CFTR: variants seen among roughly 807,000 people sequenced by gnomAD.
CFTR encodes the protein cystic fibrosis transmembrane conductance regulator.
Under a neutral mutation model 171.6 loss-of-function variants are expected in CFTR, and 181 were observed. The observed-to-expected ratio is 1.05, with a 90% CI of 0.93 to 1.19. The LOEUF (loss-of-function observed/expected upper bound fraction) is 1.19, where lower values mean the gene tolerates loss of function less well. Among genes scored for constraint, CFTR ranks in the 50% most tolerant of loss-of-function variants. CFTR has a pLI of 0.00. For missense variants in CFTR, 1,968 were observed against 1,734.7 expected, an observed-to-expected ratio of 1.13 and a Z score of -2.39; for synonymous variants, 583 against 608.0, an observed-to-expected ratio of 0.96 and a Z score of 0.60.
chr7:117,486,633 G>C (rs1013712583), intron 1 of CFTR, among the ~76,000 whole-genome samples: 3 of 151,928 alleles, frequency 2.0e-5, no homozygotes, highest in African/African-American at 7.3e-5. Context: ...ATCCTGAGAA[G>C]TTCCCTATGA....
intron 9 of CFTR, 48 bp downstream of exon 9, chr7:117,542,156 T>G (rs1584790343): frequency 2.2e-6 from 2 of 891,072 alleles, no homozygotes; most frequent in East Asian, 4.9e-5. Context: ...AACTGTTTTC[T>G]TCTTTGTGAA....
chr7:117,607,362 G>A (rs888349168), intron 18 of CFTR, among the ~76,000 whole-genome samples: 1 of 152,172 alleles, frequency 6.6e-6, no homozygotes, highest in African/African-American at 2.4e-5. Context: ...TGACTCTTTG[G>A]GTTGGGGTGA....
At chr7:117,633,293 A>T (rs1245205304) in intron 22 of CFTR, among the ~76,000 whole-genome samples, 1 of 152,134 alleles carries the variant, frequency 6.6e-6, no homozygotes, top group African/African-American at 2.4e-5. Flanking sequence ...TTGTGATTTT[A>T]ATTTCAAATT....
chr7:117,613,999 C>CTTTTTTTTTTTTT (rs752774658), intron 20 of CFTR, among the ~76,000 whole-genome samples: 1 of 72,476 alleles, frequency 1.4e-5, no homozygotes, highest in Non-Finnish European at 2.7e-5. Flanking sequence ...GTACAGTAAT[C>CTTTTTTTTTTTTT]TTTTTTTTTT....
At chr7:117,483,154 C>A (rs571649672) in intron 1 of CFTR, among the ~76,000 whole-genome samples, 1 of 152,250 alleles carries the variant, frequency 6.6e-6, no homozygotes, top group South Asian at 2.1e-4. Context: ...AACAAATACA[C>A]CTGAATTTAT....
intron 3 of CFTR, among the ~76,000 whole-genome samples, chr7:117,513,630 A>T (rs1400169248): frequency 6.6e-6 from 1 of 152,198 alleles, no homozygotes; most frequent in East Asian, 1.9e-4. Flanking sequence ...TAAAGAAGGG[A>T]TGGTGTTCTC....
chr7:117,602,826 G>T lies in CFTR; in HGVS notation c.2620G>T (p.Val874Leu). The T allele has an allele frequency of 6.2e-7, 1 of 1,613,860 alleles. No individual in the cohort carries two copies. The highest frequency in any genetic ancestry group is 8.5e-7 in the Non-Finnish European group (1 of 1,179,758). The stretch of plus-strand genomic sequence containing the variant: ...TCAACTGTGTCTTGTTCCATTCCAG[G>T]TGGCTGCTTCTTTGGTTGTGCTGTG... The part of the protein sequence containing the change: ...IWCLVIFLAE[V>L]AASLVVLWLL... The change falls in exon 16 of 27, where the codon GTG becomes TTG. Residue 874 changes from valine (V) to leucine (L), a missense_variant and splice_region_variant. Val to Leu is a conservative substitution (Grantham distance 32). Coordinates refer to ENST00000003084, the MANE Select transcript of CFTR (RefSeq NM_000492.4).
At chr7:117,534,749 A>C (rs570270588) in intron 5 of CFTR, among the ~76,000 whole-genome samples, 1 of 152,304 alleles carries the variant, frequency 6.6e-6, no homozygotes, top group South Asian at 2.1e-4. Context: ...TGTTTTATTT[A>C]TCTTTGCATA....
intron 21 of CFTR, among the ~76,000 whole-genome samples, chr7:117,627,028 T>G (rs2116127560): frequency 6.6e-6 from 1 of 152,192 alleles, no homozygotes; most frequent in East Asian, 1.9e-4. Flanking sequence ...TGTTTAAAGA[T>G]TATAGCAAAG....
intron 10 of CFTR, among the ~76,000 whole-genome samples, chr7:117,558,553 C>CTAAATAAATAAATAAA (rs10655920): frequency 0.021 from 3,049 of 145,212 alleles, 37 homozygotes; most frequent in Middle Eastern, 0.034. Flanking sequence ...GACTCTGTCT[C>CTAAATAAATAAATAAA]TAAATAAATA....
rs903178962 is a variant in CFTR, at chr7:117,627,855, A to G, written c.3717+85A>G. The G allele has an allele frequency of 1.2e-5, 16 of 1,316,582 alleles. No homozygotes were observed. In the East Asian group the frequency reaches 3.0e-4, roughly 25 times the overall value. The allele number at this position is 1,316,582 out of a possible 1,614,324, so 81.6% of individuals were successfully genotyped here. ...CTGAAGCAATGTGTTAGCAGAATCT[A>G]TTTGTAACATTATTATTGTACAGTA... On this transcript the variant is annotated intron_variant, in intron 22 of 26. Coordinates refer to ENST00000003084, the MANE Select transcript of CFTR (RefSeq NM_000492.4).
intron 21 of CFTR, among the ~76,000 whole-genome samples, chr7:117,620,896 T>C (rs939235709): frequency 9.9e-5 from 15 of 152,006 alleles, no homozygotes; most frequent in African/African-American, 3.4e-4. Flanking sequence ...CACTTGAGAA[T>C]AGGAGTTGAA....
chr7:117,577,572 C>G (rs1013664064), intron 11 of CFTR, among the ~76,000 whole-genome samples: 1 of 152,016 alleles, frequency 6.6e-6, no homozygotes, highest in Non-Finnish European at 1.5e-5. Flanking sequence ...AACATAATAA[C>G]CATTGTTATT....
rs938944066 is a variant in CFTR, at chr7:117,643,477, C to T, written c.3873+884C>T. 8.5e-5 allele frequency among the ~76,000 whole-genome samples: 13 copies of T among 152,238 alleles called. No individual in the cohort carries two copies. In the South Asian group the frequency reaches 2.7e-3, roughly 32 times the overall value. On this transcript the variant is annotated intron_variant, in intron 23 of 26. Coordinates refer to ENST00000003084, the MANE Select transcript of CFTR (RefSeq NM_000492.4). ...TGAAAAAAAAGCTTGTATTTCTTAA[C>T]AGATTACCTTGTGGAACATTTGCTC...
At chr7:117,514,904 G>T (rs1259660252) in intron 3 of CFTR, among the ~76,000 whole-genome samples, 1 of 152,178 alleles carries the variant, frequency 6.6e-6, no homozygotes, top group Non-Finnish European at 1.5e-5. Flanking sequence ...TTTATCTGAT[G>T]ATCAGTGATG....
chr7:117,664,282 A>G (rs1289518926), intron 24 of CFTR, among the ~76,000 whole-genome samples: 3 of 152,186 alleles, frequency 2.0e-5, no homozygotes, highest in Admixed American at 6.5e-5. Flanking sequence ...AAGATGTCAT[A>G]CTAGAGGGCA....
chr7:117,645,979 T>G (rs1350110264), intron 23 of CFTR, among the ~76,000 whole-genome samples: 1 of 152,194 alleles, frequency 6.6e-6, no homozygotes, highest in Non-Finnish European at 1.5e-5. Context: ...ATAACTTGCT[T>G]GATAAGAATT....
chr7:117,488,980 C>G lies in CFTR; in HGVS notation c.53+8833C>G, dbSNP rs34080224. 3.4e-3 allele frequency among the ~76,000 whole-genome samples: 513 copies of G among 152,052 alleles called. 3 individuals are homozygous for G. Among genetic ancestry groups the G allele is most frequent in the Non-Finnish European group, 6.5e-3 (439 of 67,952 alleles). On this transcript the variant is annotated intron_variant, in intron 1 of 26. Coordinates refer to ENST00000003084, the MANE Select transcript of CFTR (RefSeq NM_000492.4). ...TCAGCTGAATTATTTGCATTGGTTG[C>G]ATCCCACAAGGTTGACTCTTAAATA...
At chr7:117,584,175 A>G (rs1791894780) in intron 11 of CFTR, among the ~76,000 whole-genome samples, 1 of 152,010 alleles carries the variant, frequency 6.6e-6, no homozygotes, top group Non-Finnish European at 1.5e-5. Context: ...TTTCAGTTTA[A>G]TTATTTCCCA....
Sources: allele counts gnomAD v4.1 joint callset (sites outside exome capture counted in the v4.1 genomes callset), GRCh38; gene constraint gnomAD v4.1.1; transcripts MANE v1.5; gene names NCBI Gene and HGNC (gene_info 2026-07-23, HGNC 2026-07-21).